The following OBSL1 variants were observed in gnomAD, a reference collection of about 807,000 sequenced individuals.
OBSL1 encodes the protein obscurin like cytoskeletal adaptor 1.
In OBSL1, 160 loss-of-function variants were observed where a neutral mutation model predicts 172.0. The observed-to-expected ratio is 0.93, with a 90% CI of 0.82 to 1.06. The LOEUF is 1.06. OBSL1 is among the 50% of genes least tolerant of loss of function. The probability of loss-of-function intolerance (pLI) is 0.00; values close to 1 mark genes in which losing one functional copy is unlikely to be tolerated. For missense variants in OBSL1, 2,681 were observed against 2,715.4 expected (o/e 0.99, Z 0.28); for synonymous variants, 1,200 against 1,196.3 (o/e 1.00, Z -0.06).
chr2:219,555,053 G>C lies in OBSL1; in HGVS notation c.4610-313C>G. The C allele has an allele frequency of 1.5e-5, 6 of 398,512 alleles. No individual in the cohort carries two copies. In the East Asian group the frequency reaches 2.4e-4, roughly 16 times the overall value. 24.7% of individuals were successfully genotyped at this position (398,512 alleles called of 1,614,324 possible). A position where few individuals can be genotyped will look rare whatever the true frequency, so the allele number is the denominator to read the frequency against. ...ATTTGGAGTCAGACACACTAGGAAT[G>C]GAACCTCGCTCTACCACATAGTTTG... is the stretch of plus-strand genomic sequence containing the variant. On this transcript the variant is annotated intron_variant, in intron 14 of 20. Coordinates refer to ENST00000404537, the MANE Select transcript of OBSL1 (RefSeq NM_015311.3).
In OBSL1 at chr2:219,553,043, G is replaced by T; in HGVS notation, c.4990-19C>A. ...TCCCGTCCTAGGGGCGGGAGTTGCA[G>T]AGGGTCGGGGCGAGCCCGGCTGGGC... On this transcript the variant is annotated intron_variant, in intron 16 of 20. Coordinates refer to ENST00000404537, the MANE Select transcript of OBSL1 (RefSeq NM_015311.3). 1 of 1,477,978 alleles carries T rather than the reference G, an allele frequency of 6.8e-7. No individual in the cohort carries two copies. The allele number at this position is 1,477,978 out of a possible 1,614,324, so 91.6% of individuals were successfully genotyped here. A position where few individuals can be genotyped will look rare whatever the true frequency, so the allele number is the denominator to read the frequency against.
intron 18 of OBSL1, 38 bp downstream of exon 18, chr2:219,552,498 G>A (rs781282451): frequency 1.3e-6 from 2 of 1,564,852 alleles, no homozygotes; most frequent in Non-Finnish European, 1.7e-6. Flanking sequence ...CCTGGGCGGG[G>A]CAGCGAGGGG....
rs1208105446 is a variant in OBSL1, at chr2:219,568,698, A to G, written c.1013-374T>C. ...ACTGTTCCCTGGCTCCCCCCGCCCCAGTCATTTCACATATTCTGCAAGGGT... is the reference window on the plus strand; with the variant it reads ...ACTGTTCCCTGGCTCCCCCCGCCCCGGTCATTTCACATATTCTGCAAGGGT... On this transcript the variant is annotated intron_variant, in intron 1 of 20. Coordinates refer to ENST00000404537, the MANE Select transcript of OBSL1 (RefSeq NM_015311.3). The surrounding 1 kb of genome is among the most constrained non-coding windows in gnomAD (Gnocchi z 4.1). 1.3e-5 allele frequency among the ~76,000 whole-genome samples: 2 copies of G among 151,944 alleles called. No homozygotes were observed. Among genetic ancestry groups the G allele is most frequent in the African/African-American group, 4.8e-5 (2 of 41,376 alleles).
Position 219,566,830 on chromosome 2 carries a change from C to A in OBSL1, c.2134G>T (p.Glu712Ter), listed in dbSNP as rs1196494234. 6.3e-7 allele frequency: 1 copy of A among 1,575,584 alleles called. No individual in the cohort carries two copies. The highest frequency in any genetic ancestry group is 1.7e-5 in the Admixed American group (1 of 57,876). Residue 712 changes from glutamate to a stop codon, truncating the protein, a stop_gained and splice_region_variant, in exon 5 of 21, where the codon GAG becomes TAG. Transcript: ENST00000404537. LOFTEE classifies it high-confidence loss of function. ...VQDSAALTIQESPVHILSPQD... is the reference protein window; with the variant it reads ...VQDSAALTIQ ...CACTCAGGTCCCCACTGGCACCAAC[C>A]TTGGATTGTGAGGGCAGCTGAGTCC... is the stretch of plus-strand genomic sequence containing the variant.
In OBSL1 at chr2:219,570,967, G is replaced by A; in HGVS notation, c.266C>T (p.Ala89Val). 1 of 1,286,082 alleles carries A rather than the reference G, an allele frequency of 7.8e-7. No homozygotes were observed. The highest frequency in any genetic ancestry group is 9.8e-7 in the Non-Finnish European group (1 of 1,024,016). 79.7% of individuals were successfully genotyped at this position (1,286,082 alleles called of 1,614,324 possible). A position where few individuals can be genotyped will look rare whatever the true frequency, so the allele number is the denominator to read the frequency against. ...AGVYVCRARN[A>V]AGEAYAAAAV... ...GGCCGCCGCGTAGGCCTCGCCGGCC[G>A]CGTTGCGGGCGCGGCACACGTAGAC... is the stretch of plus-strand genomic sequence containing the variant. The change falls in exon 1 of 21, where the codon GCG (alanine) becomes GTG (valine). Residue 89 changes from alanine (A) to valine (V), a missense_variant. Coordinates refer to ENST00000404537, the MANE Select transcript of OBSL1 (RefSeq NM_015311.3).
chr2:219,551,227 T>C, intron 20 of OBSL1: 4 of 1,390,374 alleles, frequency 2.9e-6, no homozygotes, highest in Middle Eastern at 2.7e-4. Context: ...AAGGAACTGG[T>C]AGAAACAGGG....
chr2:219,548,550 C>G (rs1448166868), downstream of OBSL1, among the ~76,000 whole-genome samples: 2 of 152,128 alleles, frequency 1.3e-5, no homozygotes, highest in African/African-American at 4.8e-5. Flanking sequence ...ATGCAAAGAG[C>G]TAGAGAAGAG....
At position 219,570,831 on chromosome 2, in the gene OBSL1, A is replaced by G; in HGVS notation, c.402T>C (p.Pro134=). The G allele has an allele frequency of 2.1e-6, 3 of 1,458,506 alleles. No homozygotes were observed. Among genetic ancestry groups the G allele is most frequent in the Admixed American group, 2.3e-5 (1 of 43,282 alleles). 90.3% of individuals were successfully genotyped at this position (1,458,506 alleles called of 1,614,324 possible). The change falls in exon 1 of 21, where the codon CCT becomes CCC. Residue 134 remains proline, a synonymous_variant. Coordinates refer to ENST00000404537, the MANE Select transcript of OBSL1 (RefSeq NM_015311.3). ...CCCCCCGCAGCACCCACTGGGATCG[A>G]GGCCCCGTGAGGAAGACCGGGGCGC... ...GEGAPVFLTG[P]RSQWVLRGAE...
intron 11 of OBSL1, 69 bp downstream of exon 11, chr2:219,557,754 C>G: frequency 1.9e-6 from 3 of 1,550,876 alleles, no homozygotes; most frequent in African/African-American, 1.4e-5. Context: ...AGCAGGAATC[C>G]CGCAGAGTTT....
rs980031443 is a variant in OBSL1, at chr2:219,571,266, G to A, written c.-34C>T. ...CCGACCGCCTGCAGCGGCGAACGGT[G>A]GGGGGGCAGGGGGGGGTGCGGAGGG... is the stretch of plus-strand genomic sequence containing the variant. On this transcript the variant is annotated 5_prime_UTR_variant, in exon 1 of 21. Transcript: ENST00000404537. 2 of 1,156,834 alleles carry A rather than the reference G, an allele frequency of 1.7e-6. No homozygotes were observed. Among genetic ancestry groups the A allele is most frequent in the African/African-American group, 3.2e-5 (2 of 62,912 alleles). The allele number at this position is 1,156,834 out of a possible 1,614,324, so 71.7% of individuals were successfully genotyped here.
At chr2:219,567,602 G>A (rs776026030) in intron 3 of OBSL1, 27 bp from the exon 4 acceptor site, 69 of 1,597,948 alleles carry the variant, frequency 4.3e-5, no homozygotes, top group Non-Finnish European at 5.5e-5. Flanking sequence ...GATGTGTTCC[G>A]GCCTTGCTTG....
intron 16 of OBSL1, 81 bp from the exon 17 acceptor site, chr2:219,553,105 T>C: frequency 7.1e-7 from 1 of 1,401,278 alleles, no homozygotes; most frequent in Non-Finnish European, 9.2e-7. Flanking sequence ...GCGCACCCTT[T>C]GTTGATGCCA....
Position 219,556,287 on chromosome 2 carries a change from C to T in OBSL1, c.4342G>A (p.Glu1448Lys), listed in dbSNP as rs763286136. 8 of 1,580,784 alleles carry T rather than the reference C, an allele frequency of 5.1e-6. No individual in the cohort carries two copies. In the African/African-American group the frequency reaches 5.4e-5, roughly 11 times the overall value. ...TGCAACCGCCGTAGGAACAGCAGCT[C>T]TGTCTCTGGTGGGGAAGAAGGAGGC... ...TSARLHVRET[E>K]LLFLRRLQDV... is the part of the protein sequence containing the mutation. Residue 1448 changes from glutamate to lysine, a missense_variant, in exon 14 of 21, where the codon GAG (glutamate) becomes AAG (lysine). By Grantham distance (56) the Glu-to-Lys change is moderately conservative. This residue lies in a region of OBSL1 where 1,765 missense variants were observed against 1,748.3 expected (regional missense o/e 1.01). Transcript: ENST00000404537.
At chr2:219,555,474 CT>C in intron 14 of OBSL1, 1 of 204,788 alleles carries the variant, frequency 4.9e-6, no homozygotes, top group Non-Finnish European at 8.6e-6. Flanking sequence ...GAGATGGGTT[CT>C]TGCTATGTTG....
chr2:219,561,165 C>T (rs918076704), intron 8 of OBSL1, among the ~76,000 whole-genome samples: 1 of 152,024 alleles, frequency 6.6e-6, no homozygotes, highest in Non-Finnish European at 1.5e-5. Flanking sequence ...AGCAGGGGGG[C>T]CCTAAACAGC....
At position 219,567,120 on chromosome 2, in the gene OBSL1, G is replaced by A. The variant is rs1178153511; in HGVS notation, c.1844C>T (p.Thr615Ile). Reference protein sequence around the residue: ...VFHGSAHLVPTARLVAGLEDV... With the variant: ...VFHGSAHLVPIARLVAGLEDV... ...CTCCAGACCTGCCACCAGGCGAGCT[G>A]TGGGCACTGAGGCAGGGACAGAGTG... The change falls in exon 5 of 21, where the codon ACA (threonine) becomes ATA (isoleucine). Residue 615 changes from threonine to isoleucine, a missense_variant. Physicochemically the swap from Thr to Ile is moderately conservative, Grantham distance 89 (BLOSUM62 -1). This residue lies in a region of OBSL1 where 53 missense variants were observed against 85.5 expected (regional missense o/e 0.62). Coordinates refer to ENST00000404537, the MANE Select transcript of OBSL1 (RefSeq NM_015311.3). The A allele has an allele frequency of 7.4e-6, 12 of 1,612,958 alleles. No homozygotes were observed. Among genetic ancestry groups the A allele is most frequent in the Non-Finnish European group, 1.0e-5 (12 of 1,179,578 alleles).
Position 219,558,024 on chromosome 2 carries a change from G to A in OBSL1, c.3589C>T (p.Leu1197=). 3.1e-6 allele frequency: 5 copies of A among 1,613,300 alleles called. No individual in the cohort carries two copies. In the African/African-American group the frequency reaches 5.3e-5, roughly 17 times the overall value. ...ACCACGGGGGCGCCAGCCCGGGACA[G>A]TTCACAGCTCAGCACCACTGGCTCC... ...PGEPVVLSCE[L]SRAGAPVVWS... The change falls in exon 11 of 21, where the codon CTG becomes TTG. Residue 1197 remains leucine, a synonymous_variant. Transcript: ENST00000404537.
rs769181239 is a variant in OBSL1, at chr2:219,567,453, G to A, written c.1657C>T (p.Leu553=). The A allele has an allele frequency of 1.2e-6, 2 of 1,613,684 alleles. No homozygotes were observed. Among genetic ancestry groups the A allele is most frequent in the South Asian group, 2.2e-5 (2 of 90,984 alleles). Residue 553 remains leucine, a synonymous_variant, in exon 4 of 21, where the codon CTG becomes TTG. Transcript: ENST00000404537. ...TCAGAGCCCACTTCCTGCCGCTCCA[G>A]CCGGTAGATGAATGGGGTCTCGGGA... The part of the protein sequence containing the change: ...PAPETPFIYR[L]ERQEVGSEDW...
At chr2:219,566,334 G>A (rs1023911118) in intron 5 of OBSL1, among the ~76,000 whole-genome samples, 6 of 151,820 alleles carry the variant, frequency 4.0e-5, no homozygotes, top group South Asian at 2.1e-4. Flanking sequence ...AGCCGAGATC[G>A]CGCCATTGCA....
Sources: gnomAD v4.1 joint callset for allele counts (sites outside exome capture counted in the v4.1 genomes callset) on GRCh38, gnomAD v4.1.1 for gene constraint, gnomAD v4.1.1 regional missense constraint, Gnocchi (gnomAD v3.1) non-coding constraint, MANE v1.5 for transcripts, NCBI Gene and HGNC (gene_info 2026-07-23, HGNC 2026-07-21) for gene names.